The following CNTN1 variants were observed in gnomAD, a reference collection of about 807,000 sequenced individuals.
CNTN1 encodes the protein contactin 1.
CNTN1 carries 38 observed loss-of-function variants against 126.4 expected under a neutral mutation model. That is an observed-to-expected ratio of 0.30 (90% confidence interval 0.23 to 0.39). The LOEUF is 0.39. CNTN1 is among the 10% of genes least tolerant of loss of function. The pLI, the probability that CNTN1 is intolerant of heterozygous loss-of-function variation, is 1.00. For synonymous variants in CNTN1, 413 were observed against 422.6 expected (o/e 0.98, Z 0.28); for missense variants, 1,009 against 1,248.4 (o/e 0.81, Z 2.89).
chr12:41,061,730 A>G (rs1949942099), intron 23 of CNTN1: 3 of 451,746 alleles, frequency 6.6e-6, no homozygotes, highest in Non-Finnish European at 1.3e-5. Context: ...GGAACCTTAA[A>G]ACTTATAACA....
chr12:40,737,933 T>A (rs1596510), intron 1 of CNTN1, among the ~76,000 whole-genome samples: 149,988 of 152,170 alleles, frequency 0.99, 73,943 homozygotes, highest in Middle Eastern at 1. Context: ...CTAGGAACTC[T>A]AATATGGTTC....
chr12:40,993,353 TAATGCTC>T, intron 17 of CNTN1, 84 bp downstream of exon 17: 1 of 1,188,142 alleles, frequency 8.4e-7, no homozygotes, highest in African/African-American at 1.5e-5. Context: ...TATTTGAAAA[TAATGCTC>T]TGAGGTAAGT....
intron 23 of CNTN1, among the ~76,000 whole-genome samples, chr12:41,068,850 G>C (rs1950104353): frequency 6.6e-6 from 1 of 152,140 alleles, no homozygotes; most frequent in African/African-American, 2.4e-5. Flanking sequence ...TGCCAGCCAG[G>C]CATGGTGGCT....
intron 1 of CNTN1, among the ~76,000 whole-genome samples, chr12:40,875,450 A>G (rs1307208701): frequency 6.6e-6 from 1 of 152,010 alleles, no homozygotes; most frequent in Non-Finnish European, 1.5e-5. Flanking sequence ...AATTGGTTCC[A>G]TATTTCTGTA....
At chr12:40,898,754 G>A (rs1944501463) in intron 1 of CNTN1, among the ~76,000 whole-genome samples, 1 of 152,184 alleles carries the variant, frequency 6.6e-6, no homozygotes, top group Admixed American at 6.5e-5. Context: ...GGAGTTATGA[G>A]ATCATCAGTC....
intron 1 of CNTN1, among the ~76,000 whole-genome samples, chr12:40,693,378 G>T (rs541171112): frequency 6.6e-6 from 1 of 152,240 alleles, no homozygotes; most frequent in South Asian, 2.1e-4. Context: ...ATTGTGCCCG[G>T]ATGGGCTCCG....
intron 1 of CNTN1, among the ~76,000 whole-genome samples, chr12:40,850,447 G>A (rs551050002): frequency 1.3e-5 from 2 of 152,130 alleles, no homozygotes; most frequent in Non-Finnish European, 1.5e-5. Context: ...TTTGGTAAAA[G>A]GAGTGAGTAG....
chr12:40,875,609 TTA>T (rs1169602654), intron 1 of CNTN1, among the ~76,000 whole-genome samples: 3 of 152,156 alleles, frequency 2.0e-5, no homozygotes, highest in Non-Finnish European at 2.9e-5. Flanking sequence ...TAGGATTTCA[TTA>T]TATATACCCT....
intron 1 of CNTN1, among the ~76,000 whole-genome samples, chr12:40,774,915 TTGATA>T (rs1479387355): frequency 1.3e-5 from 2 of 151,590 alleles, no homozygotes; most frequent in South Asian, 2.1e-4. Context: ...ATGTGATACT[TTGATA>T]TAAGTATACA....
At position 40,695,672 on chromosome 12, in the gene CNTN1, G is replaced by T. The variant is rs75698115; in HGVS notation, c.-77+3080G>T. On this transcript the variant is annotated intron_variant, in intron 1 of 23. Coordinates refer to ENST00000551295, the MANE Select transcript of CNTN1 (RefSeq NM_001843.4). Reference sequence around the variant, plus strand: ...TCTTTTTATTGATGTATTATCGATTGTTCTCTTCTGACCTTCTATTTTCCA... The same window carrying T: ...TCTTTTTATTGATGTATTATCGATTTTTCTCTTCTGACCTTCTATTTTCCA... Among the ~76,000 whole-genome samples, 860 of 152,082 alleles carry T rather than the reference G, an allele frequency of 5.7e-3. 10 individuals carry two copies. Among genetic ancestry groups the T allele is most frequent in the African/African-American group, 0.02 (821 of 41,504 alleles).
At chr12:40,705,308 T>G (rs1941710196) in intron 1 of CNTN1, among the ~76,000 whole-genome samples, 1 of 152,218 alleles carries the variant, frequency 6.6e-6, no homozygotes, top group African/African-American at 2.4e-5. Context: ...GACACCACTA[T>G]TTGAATCCTG....
At chr12:40,876,998 T>C (rs911752524) in intron 1 of CNTN1, among the ~76,000 whole-genome samples, 2 of 152,158 alleles carry the variant, frequency 1.3e-5, no homozygotes, top group African/African-American at 4.8e-5. Flanking sequence ...AAGTGTGTCA[T>C]TTTCCATTGC....
At chr12:40,879,542 T>C (rs933307311) in intron 1 of CNTN1, among the ~76,000 whole-genome samples, 5 of 151,956 alleles carry the variant, frequency 3.3e-5, no homozygotes, top group Non-Finnish European at 5.9e-5. Flanking sequence ...ATGATGGGGA[T>C]TAGGAATGAG....
chr12:41,025,040 A>G, intron 20 of CNTN1, 110 bp from the exon 21 acceptor site: 1 of 1,054,354 alleles, frequency 9.5e-7, no homozygotes, highest in South Asian at 1.3e-5. Flanking sequence ...AAACATTTGA[A>G]AATATGATGA....
chr12:40,741,427 A>G (rs989460872), intron 1 of CNTN1, among the ~76,000 whole-genome samples: 5 of 152,062 alleles, frequency 3.3e-5, no homozygotes, highest in South Asian at 2.1e-4. Context: ...TTTTCTTCCT[A>G]TATATGCTCT....
At chr12:40,804,274 A>C (rs1370081328) in intron 1 of CNTN1, among the ~76,000 whole-genome samples, 2 of 152,090 alleles carry the variant, frequency 1.3e-5, no homozygotes, top group Non-Finnish European at 2.9e-5. Context: ...TAACATTTAT[A>C]AATGTTAATA....
chr12:40,915,535 T>G (rs1945197429), intron 3 of CNTN1, among the ~76,000 whole-genome samples: 1 of 152,094 alleles, frequency 6.6e-6, no homozygotes, highest in Non-Finnish European at 1.5e-5. Context: ...GAAGTCATAT[T>G]TAATCACTAC....
At chr12:40,799,002 TAC>T (rs1258027240) in intron 1 of CNTN1, among the ~76,000 whole-genome samples, 2 of 133,084 alleles carry the variant, frequency 1.5e-5, no homozygotes, top group African/African-American at 5.6e-5. Flanking sequence ...TATATGTATA[TAC>T]ATAAAGATCA....
chr12:40,939,206 G>C lies in CNTN1; in HGVS notation c.1229-129G>C, dbSNP rs559013723. On this transcript the variant is annotated intron_variant, in intron 11 of 23. Coordinates refer to ENST00000551295, the MANE Select transcript of CNTN1 (RefSeq NM_001843.4). ...AGGTATAGAATGCCTATTGGTGACA[G>C]CTGATCATATTTACCGAGATTAATC... The C allele has an allele frequency of 1.9e-5, 19 of 981,276 alleles. No individual in the cohort carries two copies. In the East Asian group the frequency reaches 5.0e-4, roughly 26 times the overall value. The allele number at this position is 981,276 out of a possible 1,614,324, so 60.8% of individuals were successfully genotyped here.
Sources: allele counts gnomAD v4.1 joint callset (sites outside exome capture counted in the v4.1 genomes callset), GRCh38; gene constraint gnomAD v4.1.1; transcripts MANE v1.5; gene names NCBI Gene and HGNC (gene_info 2026-07-23, HGNC 2026-07-21).